The following DYRK4 variants were observed in gnomAD, a reference collection of about 807,000 sequenced individuals.
DYRK4 encodes the protein dual specificity tyrosine phosphorylation regulated kinase 4, also known as dual specificity tyrosine-phosphorylation-regulated kinase 4.
A neutral mutation model predicts 68.3 loss-of-function variants in DYRK4; 64 were observed. That is an observed-to-expected ratio of 0.94 (90% CI 0.77 to 1.15). The LOEUF is 1.15. Ranked by LOEUF, DYRK4 falls within the 50% of genes most tolerant of loss-of-function variation. The pLI, the probability that DYRK4 is intolerant of heterozygous loss-of-function variation, is 0.00. For missense variants in DYRK4, 740 were observed against 764.7 expected (o/e 0.97, Z 0.38); for synonymous variants, 274 against 289.9 (o/e 0.95, Z 0.56).
In DYRK4 at chr12:4,599,010, T is replaced by G; in HGVS notation, c.906-18T>G. ...GTTTTTTTACACCCATATGCATCAC[T>G]TTTCCCCTCTTTTCCAGAATCAACT... is the stretch of plus-strand genomic sequence containing the variant. On this transcript the variant is annotated intron_variant, in intron 8 of 14. Coordinates refer to ENST00000543431, the MANE Select transcript of DYRK4 (RefSeq NM_001394779.1). The G allele has an allele frequency of 6.2e-7, 1 of 1,613,538 alleles. No homozygotes were observed. Among genetic ancestry groups the G allele is most frequent in the Non-Finnish European group, 8.5e-7 (1 of 1,179,660 alleles).
chr12:4,586,242 T>G (rs1944894903), intron 2 of DYRK4, among the ~76,000 whole-genome samples: 1 of 152,102 alleles, frequency 6.6e-6, no homozygotes, highest in Admixed American at 6.5e-5. Context: ...CCCTTTCTTC[T>G]GATCTCCTGT....
chr12:4,606,293 G>GCTATC (rs1945149221), intron 11 of DYRK4, among the ~76,000 whole-genome samples: 1 of 151,034 alleles, frequency 6.6e-6, no homozygotes, highest in Non-Finnish European at 1.5e-5. Flanking sequence ...TGGCTGGCTG[G>GCTATC]CTATCTATCT....
chr12:4,584,551 C>CATT (rs1944875340), intron 2 of DYRK4, among the ~76,000 whole-genome samples: 1 of 134,732 alleles, frequency 7.4e-6, no homozygotes, highest in Non-Finnish European at 1.6e-5. Context: ...TTCTAATCAG[C>CATT]CTTTTTTTTT....
Position 4,607,376 on chromosome 12 carries a change from A to C in DYRK4, c.1349A>C (p.Gln450Pro), listed in dbSNP as rs1945165330. 1 of 1,614,104 alleles carries C rather than the reference A, an allele frequency of 6.2e-7. No homozygotes were observed. The highest frequency in any genetic ancestry group is 1.3e-5 in the African/African-American group (1 of 74,944). ...AGFIQTASRRQTFFDSKGFPK... is the reference protein window; with the variant it reads ...AGFIQTASRRPTFFDSKGFPK... ...TTCATTCAGACAGCCTCCAGGAGAC[A>C]GACATTCTTTGGTAAGTCCTAGTGT... The change falls in exon 12 of 15, where the codon CAG becomes CCG. Residue 450 changes from glutamine to proline, a missense_variant. Gln to Pro is a moderately conservative substitution (Grantham distance 76). Coordinates refer to ENST00000543431, the MANE Select transcript of DYRK4 (RefSeq NM_001394779.1).
At chr12:4,579,276 A>G (rs1008208186) in intron 2 of DYRK4, among the ~76,000 whole-genome samples, 6 of 151,950 alleles carry the variant, frequency 3.9e-5, no homozygotes, top group African/African-American at 1.5e-4. Context: ...CCGTCTCAAA[A>G]TGATAATAAT....
At chr12:4,611,431 GATT>G (rs1945219767) in intron 13 of DYRK4, among the ~76,000 whole-genome samples, 1 of 152,186 alleles carries the variant, frequency 6.6e-6, no homozygotes, top group African/African-American at 2.4e-5. Context: ...GCAAAGGACT[GATT>G]ACTCATAACT....
In DYRK4 at chr12:4,587,247, G is replaced by A. The variant is rs1234808091; in HGVS notation, c.133-1690G>A. Among the ~76,000 whole-genome samples, 4 of 152,090 alleles carry A rather than the reference G, an allele frequency of 2.6e-5. No homozygotes were observed. In the East Asian group the frequency reaches 5.8e-4, roughly 22 times the overall value. On this transcript the variant is annotated intron_variant, in intron 2 of 14. Coordinates refer to ENST00000543431, the MANE Select transcript of DYRK4 (RefSeq NM_001394779.1). The stretch of plus-strand genomic sequence containing the variant: ...CATGAGCAGGGAAGAGCCCTGGAGC[G>A]TGCCTGGGTGGTGTTGTTTCACTGA...
intron 11 of DYRK4, 63 bp from the exon 12 acceptor site, chr12:4,607,264 A>C: frequency 6.3e-7 from 1 of 1,599,068 alleles, no homozygotes; most frequent in Non-Finnish European, 8.6e-7. Flanking sequence ...AGTACGCTCC[A>C]CCCCTCAGCC....
intron 13 of DYRK4, among the ~76,000 whole-genome samples, chr12:4,611,163 C>T (rs1945216138): frequency 6.6e-6 from 1 of 152,234 alleles, no homozygotes; most frequent in Non-Finnish European, 1.5e-5. Flanking sequence ...AAATACTCTT[C>T]TGGCATCTGT....
At chr12:4,607,630 C>T (rs1022267322) in intron 12 of DYRK4, among the ~76,000 whole-genome samples, 16 of 152,104 alleles carry the variant, frequency 1.1e-4, no homozygotes, top group African/African-American at 3.9e-4. Context: ...TAGCCAGGTC[C>T]CTGCTCAGAA....
At chr12:4,566,052 A>G (rs2884670) in intron 1 of DYRK4, among the ~76,000 whole-genome samples, 88,832 of 152,088 alleles carry the variant, frequency 0.58, 27,466 homozygotes, top group East Asian at 0.8. Flanking sequence ...TACAAATCCC[A>G]TGTCCAGTTG....
At position 4,590,324 on chromosome 12, in the gene DYRK4, C is replaced by G. The variant is rs1354895661; in HGVS notation, c.214-6C>G. 9.8e-6 allele frequency: 15 copies of G among 1,532,324 alleles called. No individual in the cohort carries two copies. In the East Asian group the frequency reaches 3.2e-4, roughly 33 times the overall value. 94.9% of individuals were successfully genotyped at this position (1,532,324 alleles called of 1,614,324 possible). A position where few individuals can be genotyped will look rare whatever the true frequency, so the allele number is the denominator to read the frequency against. ...TTTGTAACACATGCAATTTCTCCTT[C>G]TACAGAACACCAGTGTTACTTCACT... On this transcript the variant is annotated splice_polypyrimidine_tract_variant and splice_region_variant and intron_variant, in intron 3 of 14. Coordinates refer to ENST00000543431, the MANE Select transcript of DYRK4 (RefSeq NM_001394779.1).
chr12:4,586,991 G>A (rs1944904249), intron 2 of DYRK4, among the ~76,000 whole-genome samples: 1 of 152,212 alleles, frequency 6.6e-6, no homozygotes. Context: ...ACAATCAGTA[G>A]TGGAACCAGG....
In DYRK4 at chr12:4,613,787, C is replaced by T. The variant is rs1338386646; in HGVS notation, c.*34C>T. On this transcript the variant is annotated 3_prime_UTR_variant, in exon 15 of 15. Transcript: ENST00000543431. This position sits in a 1 kb window ranked among gnomAD's most constrained non-coding sequence, Gnocchi z 4.0. ...GAGGGTATGTCCTGCTCCTTTCCACCAGTGATTTGTATTAAGACAGCACTT... is the reference window on the plus strand; with the variant it reads ...GAGGGTATGTCCTGCTCCTTTCCACTAGTGATTTGTATTAAGACAGCACTT... The T allele has an allele frequency of 2.7e-6, 4 of 1,470,452 alleles. No homozygotes were observed. The highest frequency in any genetic ancestry group is 3.6e-6 in the Non-Finnish European group (4 of 1,103,356). 91.1% of individuals were successfully genotyped at this position (1,470,452 alleles called of 1,614,324 possible).
chr12:4,562,403 T>G (rs1175339530), intron 1 of DYRK4, 120 bp downstream of exon 1: 3 of 1,276,150 alleles, frequency 2.4e-6, no homozygotes, highest in Non-Finnish European at 2.1e-6. Context: ...ATGCAAGAGC[T>G]GACCGGGGAA....
At chr12:4,590,821 A>T in intron 4 of DYRK4, 1 of 416,754 alleles carries the variant, frequency 2.4e-6, no homozygotes, top group Non-Finnish European at 4.2e-6. Context: ...ACATAAGTCC[A>T]TGTGCTCCTG....
At chr12:4,587,162 G>A (rs868421947) in intron 2 of DYRK4, among the ~76,000 whole-genome samples, 10 of 152,176 alleles carry the variant, frequency 6.6e-5, no homozygotes, top group Admixed American at 3.3e-4. Flanking sequence ...AAGACCAAGC[G>A]TCTTAGTCTT....
chr12:4,595,046 A>AGTG (rs941296832), intron 6 of DYRK4, among the ~76,000 whole-genome samples: 1 of 152,240 alleles, frequency 6.6e-6, no homozygotes, highest in Non-Finnish European at 1.5e-5. Flanking sequence ...TATGACACAA[A>AGTG]GTGGTAGCAT....
At chr12:4,602,100 C>T in intron 10 of DYRK4, 1 of 485,478 alleles carries the variant, frequency 2.1e-6, no homozygotes, top group Non-Finnish European at 3.7e-6. Flanking sequence ...CACTTTTCTA[C>T]TTCTTTCATA....
Sources: allele counts gnomAD v4.1 joint callset (sites outside exome capture counted in the v4.1 genomes callset), GRCh38; gene constraint gnomAD v4.1.1; non-coding constraint Gnocchi (gnomAD v3.1); transcripts MANE v1.5; gene names NCBI Gene and HGNC (gene_info 2026-07-23, HGNC 2026-07-21).